The following TNIP1 variants were observed in gnomAD, a reference collection of about 807,000 sequenced individuals.
TNIP1 encodes TNFAIP3 interacting protein 1.
In TNIP1, 22 loss-of-function variants were observed where a neutral mutation model predicts 86.6. That is an observed-to-expected ratio of 0.25 (90% CI 0.18 to 0.36). The LOEUF is 0.36. TNIP1 is among the 10% of genes least tolerant of loss of function. TNIP1 has a pLI of 1.00. For missense variants in TNIP1, 709 were observed against 820.6 expected (o/e 0.86, Z 1.66); for synonymous variants, 294 against 313.0 (o/e 0.94, Z 0.64).
intron 8 of TNIP1, among the ~76,000 whole-genome samples, chr5:151,048,331 C>T (rs1759451473): frequency 1.3e-5 from 2 of 152,190 alleles, no homozygotes; most frequent in South Asian, 2.1e-4. Flanking sequence ...CTGTTTACGA[C>T]GCTAAACCTA....
chr5:151,034,014 T>C (rs1170388035), intron 15 of TNIP1, among the ~76,000 whole-genome samples: 1 of 151,786 alleles, frequency 6.6e-6, no homozygotes, highest in African/African-American at 2.4e-5. Flanking sequence ...TGCATGGGCA[T>C]GGAAGGCTGG....
At chr5:151,059,828 A>AGAGAGAGAGAGAGAGTGT (rs1554076446) in intron 5 of TNIP1, among the ~76,000 whole-genome samples, 11 of 56,410 alleles carry the variant, frequency 2.0e-4, no homozygotes, top group Non-Finnish European at 3.2e-4. Context: ...AGAGAGAGAG[A>AGAGAGAGAGAGAGAGTGT]GTGTGTGTGT....
intron 11 of TNIP1, among the ~76,000 whole-genome samples, chr5:151,039,727 C>T (rs1284733081): frequency 1.3e-5 from 2 of 152,172 alleles, no homozygotes; most frequent in African/African-American, 4.8e-5. Flanking sequence ...TACGGATAAT[C>T]CCTAACAGAC....
chr5:151,067,633 C>G (rs1358922921), intron 1 of TNIP1, among the ~76,000 whole-genome samples: 1 of 152,210 alleles, frequency 6.6e-6, no homozygotes, highest in Non-Finnish European at 1.5e-5. Flanking sequence ...TCAATGTCTG[C>G]CTTGTCCTGT....
At chr5:151,059,539 G>A (rs1050098780) in intron 5 of TNIP1, among the ~76,000 whole-genome samples, 2 of 152,144 alleles carry the variant, frequency 1.3e-5, no homozygotes, top group Admixed American at 1.3e-4. Flanking sequence ...AAGGGCTAGA[G>A]CACCTATTGC....
intron 1 of TNIP1, among the ~76,000 whole-genome samples, chr5:151,078,179 C>A (rs138046530): frequency 2.0e-4 from 30 of 152,350 alleles, no homozygotes; most frequent in Admixed American, 1.5e-3. Context: ...AAAGCCAGCT[C>A]CTTACGCACC....
At chr5:151,044,935 C>G (rs1370503652) in intron 9 of TNIP1, among the ~76,000 whole-genome samples, 1 of 152,216 alleles carries the variant, frequency 6.6e-6, no homozygotes, top group Non-Finnish European at 1.5e-5. Flanking sequence ...TTTAAACTAC[C>G]TAAAGACCTG....
At chr5:151,060,240 G>A in intron 5 of TNIP1, 78 bp downstream of exon 5, 1 of 1,485,702 alleles carries the variant, frequency 6.7e-7, no homozygotes, top group Non-Finnish European at 9.4e-7. Context: ...AACAGGTTCT[G>A]TGCCTCTCAC....
At position 151,035,701 on chromosome 5, in the gene TNIP1, T is replaced by C; in HGVS notation, c.1402A>G (p.Ile468Val). Residue 468 changes from isoleucine (I) to valine (V), a missense_variant, in exon 14 of 18, where the codon ATC becomes GTC. By Grantham distance (29) the Ile-to-Val change is conservative. Transcript: ENST00000521591. Reference protein sequence around the residue: ...QNELLKQQVKIFEEDFQRERS... With the variant: ...QNELLKQQVKVFEEDFQRERS... ...TCCCTCTGGAAGTCCTCCTCGAAGA[T>C]CTTCACCTGGTGTGGAGGGAGGGTG... 3.1e-6 allele frequency: 5 copies of C among 1,614,028 alleles called. No individual in the cohort carries two copies. Among genetic ancestry groups the C allele is most frequent in the Non-Finnish European group, 4.2e-6 (5 of 1,180,002 alleles).
At chr5:151,046,004 C>G in intron 8 of TNIP1, 54 bp from the exon 9 acceptor site, 1 of 1,572,844 alleles carries the variant, frequency 6.4e-7, no homozygotes, top group South Asian at 1.1e-5. Flanking sequence ...AATTATCTCA[C>G]CCAGTCTCGG....
chr5:151,033,750 C>T lies in TNIP1; in HGVS notation c.1637G>A (p.Gly546Glu). 2 of 1,365,000 alleles carry T rather than the reference C, an allele frequency of 1.5e-6. No homozygotes were observed. The highest frequency in any genetic ancestry group is 1.9e-6 in the Non-Finnish European group (2 of 1,051,280). 84.6% of individuals were successfully genotyped at this position (1,365,000 alleles called of 1,614,324 possible). The stretch of plus-strand genomic sequence containing the variant: ...GGGCGGGTAGGCGTAGGGGTAGGCC[C>T]CGCAGAGATGTTCTGGGTGGGGCTC... ...HVEPHPEHLCGAYPYAYPPMP... is the reference protein window; with the variant it reads ...HVEPHPEHLCEAYPYAYPPMP... The change falls in exon 16 of 18, where the codon GGG becomes GAG. Residue 546 changes from glycine to glutamate, a missense_variant. Physicochemically the swap from Gly to Glu is moderately conservative, Grantham distance 98 (BLOSUM62 -2). Transcript: ENST00000521591.
chr5:151,040,831 T>C (rs1391396752), intron 11 of TNIP1, among the ~76,000 whole-genome samples: 1 of 152,196 alleles, frequency 6.6e-6, no homozygotes, highest in Non-Finnish European at 1.5e-5. Context: ...CAAAAGACCA[T>C]GCCCAGTTCC....
At chr5:151,038,659 G>A (rs568586284) in intron 12 of TNIP1, among the ~76,000 whole-genome samples, 117 of 152,226 alleles carry the variant, frequency 7.7e-4, no homozygotes, top group African/African-American at 2.7e-3. Flanking sequence ...AGGCGCCCAG[G>A]GTATACACCT....
chr5:151,034,465 G>A lies in TNIP1; in HGVS notation c.1587+537C>T, dbSNP rs572043165. On this transcript the variant is annotated intron_variant, in intron 15 of 17. Transcript: ENST00000521591. ...AAGGCTGGGCACATGGGCATGGAAG[G>A]CTGGGCACATGGGCACAGAAGGCTC... is the stretch of plus-strand genomic sequence containing the variant. 1.7e-4 allele frequency: 48 copies of A among 281,344 alleles called. 1 individual carries two copies. Among genetic ancestry groups the A allele is most frequent in the South Asian group, 1.4e-3 (48 of 34,672 alleles). The allele number at this position is 281,344 out of a possible 1,614,324, so 17.4% of individuals were successfully genotyped here.
intron 1 of TNIP1, among the ~76,000 whole-genome samples, chr5:151,077,588 CG>C (rs111348855): frequency 2.3e-4 from 35 of 152,298 alleles, no homozygotes; most frequent in African/African-American, 8.2e-4. Context: ...GTGACAGACA[CG>C]GCACCTACCC....
chr5:151,032,188 G>C, intron 17 of TNIP1, 99 bp downstream of exon 17: 1 of 1,037,784 alleles, frequency 9.6e-7, no homozygotes, highest in Non-Finnish European at 1.4e-6. Flanking sequence ...CCTCCACCAA[G>C]AGCAGAAACT....
At chr5:151,044,609 G>A (rs1758887298) in intron 9 of TNIP1, among the ~76,000 whole-genome samples, 1 of 152,190 alleles carries the variant, frequency 6.6e-6, no homozygotes, top group Admixed American at 6.5e-5. Context: ...ACATCAAGAA[G>A]CTTTCAAATG....
chr5:151,030,075 GC>G lies in TNIP1; in HGVS notation c.*637del, dbSNP rs1561792278. On this transcript the variant is annotated 3_prime_UTR_variant, in exon 18 of 18. Coordinates refer to ENST00000521591, the MANE Select transcript of TNIP1 (RefSeq NM_006058.5). ...TGGGGTCCAGGGTCTGAACCTCAGG[GC>G]CTGGCAGCTTCAGGCTGGCGCCCCT... is the stretch of plus-strand genomic sequence containing the variant. 1 of 456,886 alleles carries G rather than the reference GC, an allele frequency of 2.2e-6. No individual in the cohort carries two copies. The highest frequency in any genetic ancestry group is 1.5e-5 in the South Asian group (1 of 64,568). 28.3% of individuals were successfully genotyped at this position (456,886 alleles called of 1,614,324 possible). A position where few individuals can be genotyped will look rare whatever the true frequency, so the allele number is the denominator to read the frequency against.
At chr5:151,083,038 C>G (rs766483905), upstream of TNIP1, among the ~76,000 whole-genome samples, 4 of 152,162 alleles carry the variant, frequency 2.6e-5, no homozygotes, top group Non-Finnish European at 4.4e-5. Flanking sequence ...GCCTTGGCTC[C>G]CAGTCCTGTG....
Sources: allele counts gnomAD v4.1 joint callset (sites outside exome capture counted in the v4.1 genomes callset), GRCh38; gene constraint gnomAD v4.1.1; transcripts MANE v1.5; gene names NCBI Gene and HGNC (gene_info 2026-07-23, HGNC 2026-07-21).